NEGR1: variants seen among roughly 807,000 people sequenced by gnomAD.
NEGR1 encodes the protein IgLON family member 4.
A neutral mutation model predicts 40.9 loss-of-function variants in NEGR1; 10 were observed. The ratio of observed to expected loss-of-function variants is 0.24; its 90% confidence interval spans 0.15 to 0.42. The LOEUF (loss-of-function observed/expected upper bound fraction) is 0.42, where lower values mean the gene tolerates loss of function less well. NEGR1 is among the 10% of genes least tolerant of loss of function. The probability of loss-of-function intolerance (pLI) is 1.00; values close to 1 mark genes in which losing one functional copy is unlikely to be tolerated. For synonymous variants in NEGR1, 185 were observed against 166.8 expected (o/e 1.11, Z -0.84); for missense variants, 352 against 438.9 (o/e 0.80, Z 1.77).
intron 1 of NEGR1, among the ~76,000 whole-genome samples, chr1:72,239,916 C>T (rs933196935): frequency 1.3e-5 from 2 of 151,620 alleles, no homozygotes; most frequent in Non-Finnish European, 3.0e-5. Context: ...TGAAATGGTA[C>T]AAAGTGTCCT....
intron 1 of NEGR1, among the ~76,000 whole-genome samples, chr1:72,136,152 G>A (rs558173409): frequency 3.9e-5 from 6 of 152,094 alleles, no homozygotes; most frequent in South Asian, 4.2e-4. Context: ...AATAAAAACC[G>A]TAATGAAGGA....
chr1:72,180,084 G>A (rs1652309582), intron 1 of NEGR1, among the ~76,000 whole-genome samples: 1 of 151,852 alleles, frequency 6.6e-6, no homozygotes, highest in Non-Finnish European at 1.5e-5. Flanking sequence ...ACAATTCCAA[G>A]AAGAAAGAAA....
intron 1 of NEGR1, among the ~76,000 whole-genome samples, chr1:72,265,925 A>G (rs996428696): frequency 6.6e-6 from 1 of 150,828 alleles, no homozygotes; most frequent in African/African-American, 2.4e-5. Flanking sequence ...TCAAAAAAAT[A>G]CTACAGTATG....
intron 2 of NEGR1, among the ~76,000 whole-genome samples, chr1:71,862,120 A>C (rs1423761191): frequency 6.6e-6 from 1 of 152,092 alleles, no homozygotes; most frequent in East Asian, 1.9e-4. Flanking sequence ...TGTGAATAGT[A>C]ATCATCTTTC....
At chr1:71,729,619 T>C (rs1654787107) in intron 3 of NEGR1, among the ~76,000 whole-genome samples, 1 of 151,962 alleles carries the variant, frequency 6.6e-6, no homozygotes, top group South Asian at 2.1e-4. Flanking sequence ...TTAAGAGATG[T>C]AGCTGAATAA....
chr1:71,927,024 T>C (rs1170647798), intron 2 of NEGR1, among the ~76,000 whole-genome samples: 2 of 152,174 alleles, frequency 1.3e-5, no homozygotes, highest in African/African-American at 4.8e-5. Flanking sequence ...ATGTGTATTC[T>C]GGAAGACAAG....
intron 4 of NEGR1, among the ~76,000 whole-genome samples, chr1:71,681,259 A>G (rs1013363651): frequency 6.6e-6 from 1 of 152,256 alleles, no homozygotes; most frequent in African/African-American, 2.4e-5. Flanking sequence ...TGTAACAATA[A>G]GAAAATAAGA....
intron 4 of NEGR1, among the ~76,000 whole-genome samples, chr1:71,679,720 A>G (rs928764380): frequency 1.3e-5 from 2 of 152,058 alleles, no homozygotes; most frequent in African/African-American, 4.8e-5. Context: ...GCCTCTATTG[A>G]AAGGTTCAGT....
At chr1:71,987,615 A>C (rs970090910) in intron 1 of NEGR1, among the ~76,000 whole-genome samples, 8 of 152,172 alleles carry the variant, frequency 5.3e-5, no homozygotes, top group Non-Finnish European at 1.2e-4. Context: ...ATGGGGTTAG[A>C]GCATATTGGA....
rs781556542 is a variant in NEGR1 at position 71,743,126 on chromosome 1, T to C, written c.535+33046A>G. Reference sequence around the variant, plus strand: ...CAACTTGATCTTGGACTTTCCAGCCTCTGAAACTGTGAGAAATAAATGTTT... The same window carrying C: ...CAACTTGATCTTGGACTTTCCAGCCCCTGAAACTGTGAGAAATAAATGTTT... On this transcript the variant is annotated intron_variant, in intron 3 of 6. Transcript: ENST00000357731. Among the ~76,000 whole-genome samples, 5 of 152,312 alleles carry C rather than the reference T, an allele frequency of 3.3e-5. No homozygotes were observed. In the East Asian group the frequency reaches 9.7e-4, roughly 29 times the overall value.
chr1:72,102,070 T>A (rs1648970135), intron 1 of NEGR1, among the ~76,000 whole-genome samples: 1 of 152,094 alleles, frequency 6.6e-6, no homozygotes, highest in Non-Finnish European at 1.5e-5. Context: ...TAAGCAGTAT[T>A]TGATCGCTAG....
At chr1:71,533,217 A>C (rs1438063270) in intron 6 of NEGR1, among the ~76,000 whole-genome samples, 4 of 151,598 alleles carry the variant, frequency 2.6e-5, no homozygotes, top group Admixed American at 2.6e-4. Flanking sequence ...TAGAATTCCC[A>C]ATCAACAGTT....
chr1:71,883,890 C>G (rs1381768573), intron 2 of NEGR1, among the ~76,000 whole-genome samples: 1 of 151,898 alleles, frequency 6.6e-6, no homozygotes, highest in Non-Finnish European at 1.5e-5. Flanking sequence ...GAAAACCATT[C>G]AAAACACCAA....
rs575966618 is a variant in NEGR1 at position 71,489,399 on chromosome 1, T to C, written c.941-81829A>G. On this transcript the variant is annotated intron_variant, in intron 6 of 6. Coordinates refer to ENST00000357731, the MANE Select transcript of NEGR1 (RefSeq NM_173808.3). Reference sequence around the variant, plus strand: ...CTTAGGCTGCTTCACCAGGCTCTTATTGATGTTGTAACTCCTAGGATAGTT... The same window carrying C: ...CTTAGGCTGCTTCACCAGGCTCTTACTGATGTTGTAACTCCTAGGATAGTT... Among the ~76,000 whole-genome samples, 7 of 152,050 alleles carry C rather than the reference T, an allele frequency of 4.6e-5. No individual in the cohort carries two copies. The South Asian group carries it at 1.2e-3, about 27-fold the overall frequency.
At chr1:71,742,245 C>G (rs768915909) in intron 3 of NEGR1, among the ~76,000 whole-genome samples, 2 of 152,258 alleles carry the variant, frequency 1.3e-5, no homozygotes, top group East Asian at 3.9e-4. Context: ...GGCCAGATTG[C>G]CTCTGCCCAA....
At chr1:72,172,225 GGCA>G (rs1651989788) in intron 1 of NEGR1, among the ~76,000 whole-genome samples, 1 of 151,910 alleles carries the variant, frequency 6.6e-6, no homozygotes, top group Non-Finnish European at 1.5e-5. Flanking sequence ...TTCCACCTTA[GGCA>G]GGTATAATAA....
At chr1:71,859,164 G>A (rs1659867688) in intron 2 of NEGR1, among the ~76,000 whole-genome samples, 1 of 151,926 alleles carries the variant, frequency 6.6e-6, no homozygotes. Context: ...GATACCTTTT[G>A]CCCCCATTCT....
At chr1:71,872,070 A>G (rs193231920) in intron 2 of NEGR1, among the ~76,000 whole-genome samples, 13 of 152,346 alleles carry the variant, frequency 8.5e-5, no homozygotes, top group Non-Finnish European at 1.8e-4. Flanking sequence ...ATAAAAATAA[A>G]TGATGACAAC....
At chr1:71,858,964 A>G (rs984907810) in intron 2 of NEGR1, among the ~76,000 whole-genome samples, 1 of 151,908 alleles carries the variant, frequency 6.6e-6, no homozygotes, top group African/African-American at 2.4e-5. Context: ...TGTAACTCTT[A>G]CTAGAAGGTC....
Sources: gnomAD v4.1 joint callset for allele counts (sites outside exome capture counted in the v4.1 genomes callset) on GRCh38, gnomAD v4.1.1 for gene constraint, MANE v1.5 for transcripts, NCBI Gene and HGNC (gene_info 2026-07-23, HGNC 2026-07-21) for gene names.